COL4A4: variants seen among roughly 807,000 people sequenced by gnomAD.
COL4A4 encodes the protein collagen type IV alpha 4 chain.
COL4A4 carries 105 observed loss-of-function variants against 192.9 expected under a neutral mutation model. That is an observed-to-expected ratio of 0.54 (90% CI 0.46 to 0.64). The LOEUF (loss-of-function observed/expected upper bound fraction) is 0.64, where lower values mean the gene tolerates loss of function less well. Among genes scored for constraint, COL4A4 ranks in the 30% least tolerant of loss-of-function variants. The pLI is 0.00. For missense variants in COL4A4, 1,967 were observed against 2,169.3 expected (o/e 0.91, Z 1.85); for synonymous variants, 762 against 769.9 (o/e 0.99, Z 0.17).
chr2:227,158,070 T>C (rs1408469257), intron 1 of COL4A4, among the ~76,000 whole-genome samples: 1 of 152,086 alleles, frequency 6.6e-6, no homozygotes, highest in Non-Finnish European at 1.5e-5. Context: ...CTAAGCAATT[T>C]TTATAAAAAG....
intron 32 of COL4A4, 85 bp from the exon 33 acceptor site, chr2:227,051,243 G>C (rs910798057): frequency 2.2e-6 from 3 of 1,392,690 alleles, no homozygotes; most frequent in African/African-American, 2.8e-5. Context: ...CCTACTTTTA[G>C]GAGATAAAGC....
intron 3 of COL4A4, among the ~76,000 whole-genome samples, chr2:227,143,676 G>GA (rs1172071972): frequency 1.3e-5 from 2 of 152,056 alleles, no homozygotes; most frequent in Non-Finnish European, 2.9e-5. Flanking sequence ...AAGAGAAATA[G>GA]AAAAAATACA....
intron 45 of COL4A4, among the ~76,000 whole-genome samples, chr2:227,011,934 T>C (rs1004487754): frequency 2.0e-5 from 3 of 152,142 alleles, no homozygotes; most frequent in Non-Finnish European, 4.4e-5. Flanking sequence ...GTATAGCAGT[T>C]TGGGAAAATA....
intron 3 of COL4A4, among the ~76,000 whole-genome samples, chr2:227,141,049 T>C (rs1012931760): frequency 6.6e-6 from 1 of 152,098 alleles, no homozygotes; most frequent in Non-Finnish European, 1.5e-5. Context: ...TTAACAGCAA[T>C]CACCATGATG....
chr2:227,109,390 C>T (rs183797611), intron 9 of COL4A4, 104 bp from the exon 10 acceptor site: 1 of 957,716 alleles, frequency 1.0e-6, no homozygotes, highest in Admixed American at 1.7e-5. Context: ...CTAAAGAAAT[C>T]ACAGCCACCA....
the COL4A4 span, among the ~76,000 whole-genome samples, chr2:226,987,925 C>T: frequency 5.2e-3 from 796 of 152,258 alleles, 4 homozygotes; most frequent in Non-Finnish European, 8.6e-3. Flanking sequence ...GTGCACACTT[C>T]AGATTAAGGA....
At chr2:227,036,141 T>C (rs1969615250) in intron 37 of COL4A4, among the ~76,000 whole-genome samples, 1 of 152,190 alleles carries the variant, frequency 6.6e-6, no homozygotes. Flanking sequence ...TCTCTGGTCA[T>C]CCTCCTGCTA....
At chr2:227,030,381 A>T (rs576427106) in intron 41 of COL4A4, 62 bp downstream of exon 41, 4 of 1,545,714 alleles carry the variant, frequency 2.6e-6, no homozygotes, top group Non-Finnish European at 3.6e-6. Flanking sequence ...ACAGTACCCC[A>T]GACCCTCAAG....
At chr2:227,150,757 A>G (rs551078508) in intron 1 of COL4A4, among the ~76,000 whole-genome samples, 11 of 152,186 alleles carry the variant, frequency 7.2e-5, no homozygotes, top group African/African-American at 2.6e-4. Flanking sequence ...TCTCCTGAGA[A>G]CTCACTCACT....
At chr2:227,154,881 C>G (rs2064217984) in intron 1 of COL4A4, among the ~76,000 whole-genome samples, 1 of 152,214 alleles carries the variant, frequency 6.6e-6, no homozygotes, top group South Asian at 2.1e-4. Context: ...AACATACAAG[C>G]TGGTTACTTG....
the COL4A4 span, among the ~76,000 whole-genome samples, chr2:226,969,989 T>TC: frequency 0.39 from 43,488 of 111,456 alleles, 8,033 homozygotes; most frequent in South Asian, 0.47. Context: ...TTTACAACTG[T>TC]CCCCCCCCCC....
chr2:227,010,167 G>C (rs1963315035), intron 46 of COL4A4, 146 bp downstream of exon 46: 1 of 829,652 alleles, frequency 1.2e-6, no homozygotes, highest in Non-Finnish European at 2.0e-6. Flanking sequence ...AGGATTAGCT[G>C]AGAATGACCA....
chr2:227,135,083 A>T (rs1371476336), intron 4 of COL4A4, among the ~76,000 whole-genome samples: 1 of 152,164 alleles, frequency 6.6e-6, no homozygotes, highest in Non-Finnish European at 1.5e-5. Context: ...TGCCTGATAT[A>T]CCTCATTCAC....
chr2:227,095,519 G>T (rs1457630888), intron 19 of COL4A4, among the ~76,000 whole-genome samples: 2 of 152,180 alleles, frequency 1.3e-5, no homozygotes, highest in African/African-American at 4.8e-5. Flanking sequence ...TTCAGATGAG[G>T]TCAAAACGAA....
At chr2:227,083,371 G>T (rs943455291) in intron 22 of COL4A4, among the ~76,000 whole-genome samples, 3 of 152,156 alleles carry the variant, frequency 2.0e-5, no homozygotes, top group Admixed American at 6.5e-5. Flanking sequence ...CAAAGAAATT[G>T]GAGGGAGGTA....
intron 31 of COL4A4, among the ~76,000 whole-genome samples, chr2:227,053,245 A>C (rs1214308068): frequency 6.6e-6 from 1 of 152,088 alleles, no homozygotes; most frequent in African/African-American, 2.4e-5. Context: ...GATTCCACAT[A>C]AATAATTTAC....
chr2:227,049,704 T>C (rs1178671337), intron 34 of COL4A4, among the ~76,000 whole-genome samples: 1 of 152,218 alleles, frequency 6.6e-6, no homozygotes, highest in African/African-American at 2.4e-5. Context: ...AGATACTGGC[T>C]CCTGCGGGAC....
intron 4 of COL4A4, 77 bp from the exon 5 acceptor site, chr2:227,121,225 GGCCT>G: frequency 1.3e-6 from 2 of 1,497,892 alleles, no homozygotes; most frequent in Non-Finnish European, 1.8e-6. Flanking sequence ...TACTCATTCA[GGCCT>G]ACAGAAGACT....
chr2:227,029,105 G>A (rs977458091), intron 41 of COL4A4, among the ~76,000 whole-genome samples: 1 of 152,160 alleles, frequency 6.6e-6, no homozygotes, highest in African/African-American at 2.4e-5. Flanking sequence ...GCACTGTTTG[G>A]CCTTTATATT....
Sources: gnomAD v4.1 joint callset for allele counts (sites outside exome capture counted in the v4.1 genomes callset) on GRCh38, gnomAD v4.1.1 for gene constraint, MANE v1.5 for transcripts, NCBI Gene and HGNC (gene_info 2026-07-23, HGNC 2026-07-21) for gene names.